The following PTPRN2 variants were observed in gnomAD, a reference collection of about 807,000 sequenced individuals.
PTPRN2 encodes protein tyrosine phosphatase receptor type N2, also known as receptor-type tyrosine-protein phosphatase N2.
In PTPRN2, 74 loss-of-function variants were observed where a neutral mutation model predicts 118.8. The ratio of observed to expected loss-of-function variants is 0.62; its 90% CI spans 0.52 to 0.76. PTPRN2 has a LOEUF of 0.76. Among genes scored for constraint, PTPRN2 ranks in the 30% least tolerant of loss-of-function variants. The pLI is 0.00. For missense variants in PTPRN2, 1,481 were observed against 1,394.4 expected (o/e 1.06, Z -0.99); for synonymous variants, 641 against 608.0 (o/e 1.05, Z -0.80).
intron 12 of PTPRN2, among the ~76,000 whole-genome samples, chr7:157,826,908 G>A (rs575865693): frequency 6.4e-4 from 98 of 152,210 alleles, no homozygotes; most frequent in African/African-American, 1.2e-3. Context: ...CCAGGAGCAC[G>A]ACTTATCCCA....
At position 157,682,720 on chromosome 7, in the gene PTPRN2, C is replaced by A; in HGVS notation, c.2001+5G>T. 1 of 1,611,560 alleles carries A rather than the reference C, an allele frequency of 6.2e-7. No individual in the cohort carries two copies. The highest frequency in any genetic ancestry group is 8.5e-7 in the Non-Finnish European group (1 of 1,178,274). On this transcript the variant is annotated splice_donor_5th_base_variant and intron_variant, in intron 13 of 22. Transcript: ENST00000389418. Reference sequence around the variant, plus strand: ...TATACCACTTTTTAAAAAGTCTCCTCTTACCTGGTAGGCGGCAGTGGCATC... The same window carrying A: ...TATACCACTTTTTAAAAAGTCTCCTATTACCTGGTAGGCGGCAGTGGCATC...
intron 2 of PTPRN2, among the ~76,000 whole-genome samples, chr7:158,478,209 C>T (rs760981626): frequency 6.6e-6 from 1 of 152,242 alleles, no homozygotes; most frequent in Non-Finnish European, 1.5e-5. Flanking sequence ...CAGCCCATGA[C>T]TGCTACGTCT....
In PTPRN2 at chr7:157,620,238, C is replaced by G. The variant is rs1186377064; in HGVS notation, c.2344+1124G>C. Reference sequence around the variant, plus strand: ...TCAAAGTGTGGAACCTTCATTGGAACCTGCTATACACATAGAGGATGAGTG... The same window carrying G: ...TCAAAGTGTGGAACCTTCATTGGAAGCTGCTATACACATAGAGGATGAGTG... On this transcript the variant is annotated intron_variant, in intron 15 of 22. Transcript: ENST00000389418. Among the ~76,000 whole-genome samples the G allele has an allele frequency of 5.9e-5, 9 of 152,166 alleles. No homozygotes were observed. In the South Asian group the frequency reaches 1.7e-3, roughly 28 times the overall value.
At chr7:157,770,956 C>A (rs755937486) in intron 12 of PTPRN2, among the ~76,000 whole-genome samples, 6 of 152,224 alleles carry the variant, frequency 3.9e-5, no homozygotes, top group Non-Finnish European at 8.8e-5. Flanking sequence ...GGGCTGTGGG[C>A]CCGCTTGGCC....
chr7:157,925,496 C>T (rs967258968), intron 11 of PTPRN2, among the ~76,000 whole-genome samples: 6 of 152,222 alleles, frequency 3.9e-5, no homozygotes, highest in South Asian at 2.1e-4. Context: ...TCACCTTCCT[C>T]GTGGTCCCGG....
At chr7:157,688,092 CA>C (rs1797282563) in intron 12 of PTPRN2, among the ~76,000 whole-genome samples, 1 of 151,774 alleles carries the variant, frequency 6.6e-6, no homozygotes, top group Non-Finnish European at 1.5e-5. Context: ...TTCAAGTGGC[CA>C]AAAAACCCAA....
rs546271082 is a variant in PTPRN2 at position 158,413,897 on chromosome 7, T to A, written c.163+75838A>T. Among the ~76,000 whole-genome samples, 7 of 152,150 alleles carry A rather than the reference T, an allele frequency of 4.6e-5. No homozygotes were observed. The South Asian group carries it at 1.5e-3, about 32-fold the overall frequency. On this transcript the variant is annotated intron_variant, in intron 2 of 22. Coordinates refer to ENST00000389418, the MANE Select transcript of PTPRN2 (RefSeq NM_002847.5). ...GCTCACGCCTGTAATCCCAGCACTT[T>A]GGGAGGCCGAGGCAGGTGAATTACC...
intron 1 of PTPRN2, among the ~76,000 whole-genome samples, chr7:158,505,486 G>A (rs28483884): frequency 0.022 from 3,365 of 152,234 alleles, 123 homozygotes; most frequent in African/African-American, 0.077. Flanking sequence ...CAAGTCCCCC[G>A]TTCACTACCA....
At chr7:157,707,548 G>C (rs558644300) in intron 12 of PTPRN2, among the ~76,000 whole-genome samples, 1 of 152,210 alleles carries the variant, frequency 6.6e-6, no homozygotes, top group East Asian at 1.9e-4. Context: ...GTCTCGGCAG[G>C]TATTACAGGC....
At chr7:157,952,900 C>G (rs1433511345) in intron 11 of PTPRN2, among the ~76,000 whole-genome samples, 3 of 152,132 alleles carry the variant, frequency 2.0e-5, no homozygotes, top group Admixed American at 2.0e-4. Flanking sequence ...ACTTCCCTCT[C>G]CAGGACGTGA....
chr7:157,770,095 G>C (rs1322043919), intron 12 of PTPRN2, among the ~76,000 whole-genome samples: 2 of 152,204 alleles, frequency 1.3e-5, no homozygotes, highest in Non-Finnish European at 2.9e-5. Context: ...CGCTGCCACC[G>C]GCCCCGGTGA....
At chr7:157,919,787 C>T (rs781588782) in intron 11 of PTPRN2, among the ~76,000 whole-genome samples, 2 of 152,296 alleles carry the variant, frequency 1.3e-5, no homozygotes, top group Non-Finnish European at 1.5e-5. Flanking sequence ...CACGTACTAA[C>T]GTTTTGGTCA....
chr7:157,646,004 A>G (rs1805046082), intron 14 of PTPRN2, among the ~76,000 whole-genome samples: 1 of 152,242 alleles, frequency 6.6e-6, no homozygotes, highest in African/African-American at 2.4e-5. Flanking sequence ...CAGTTTAGAG[A>G]TTAGCAGATG....
chr7:158,535,621 A>T (rs1468921827), intron 1 of PTPRN2, among the ~76,000 whole-genome samples: 2 of 152,090 alleles, frequency 1.3e-5, no homozygotes, highest in African/African-American at 4.8e-5. Context: ...TGGCTATTGA[A>T]ATCATACAAA....
At chr7:157,947,388 A>T (rs1439710582) in intron 11 of PTPRN2, among the ~76,000 whole-genome samples, 1 of 152,202 alleles carries the variant, frequency 6.6e-6, no homozygotes, top group African/African-American at 2.4e-5. Context: ...TTTTGGTTAA[A>T]AGACATTCTG....
intron 12 of PTPRN2, among the ~76,000 whole-genome samples, chr7:157,702,168 C>A (rs1455151550): frequency 6.8e-6 from 1 of 146,630 alleles, no homozygotes; most frequent in African/African-American, 2.6e-5. Context: ...CTGACACGGG[C>A]TGTGGGTTTG....
intron 12 of PTPRN2, among the ~76,000 whole-genome samples, chr7:157,771,044 C>T (rs1378696218): frequency 6.6e-6 from 1 of 152,246 alleles, no homozygotes; most frequent in African/African-American, 2.4e-5. Context: ...GCTCCCATTT[C>T]CTCTCTTGGG....
intron 11 of PTPRN2, among the ~76,000 whole-genome samples, chr7:158,011,140 G>A (rs1326196010): frequency 2.0e-5 from 3 of 152,192 alleles, no homozygotes; most frequent in Non-Finnish European, 2.9e-5. Flanking sequence ...GGATCTCTGC[G>A]GTGATTTTAC....
rs1802298255 is a variant in PTPRN2 at position 157,611,028 on chromosome 7, C to G, written c.2345-6953G>C. 6.6e-6 allele frequency among the ~76,000 whole-genome samples: 1 copy of G among 152,188 alleles called. No homozygotes were observed. The highest frequency in any genetic ancestry group is 2.4e-5 in the African/African-American group (1 of 41,442). ...TCCAGAGATGGTCATGAAAATGAGA[C>G]CTGCCCCACCCACCACTCAGGAGGC... On this transcript the variant is annotated intron_variant, in intron 15 of 22. Transcript: ENST00000389418. The surrounding 1 kb of genome is among the most constrained non-coding windows in gnomAD (Gnocchi z 5.9).
Sources: allele counts gnomAD v4.1 joint callset (sites outside exome capture counted in the v4.1 genomes callset), GRCh38; gene constraint gnomAD v4.1.1; non-coding constraint Gnocchi (gnomAD v3.1); transcripts MANE v1.5; gene names NCBI Gene and HGNC (gene_info 2026-07-23, HGNC 2026-07-21).